The following CD81 variants were observed in gnomAD, a reference collection of about 807,000 sequenced individuals.
The protein encoded by CD81 is CD81 antigen.
CD81 carries 10 observed loss-of-function variants against 30.1 expected under a neutral mutation model. That is an observed-to-expected ratio of 0.33 (90% confidence interval 0.21 to 0.56). The LOEUF (loss-of-function observed/expected upper bound fraction) is 0.56. Among genes scored for constraint, CD81 ranks in the 20% least tolerant of loss-of-function variants. The pLI is 0.89. For missense variants in CD81, 263 were observed against 308.7 expected (o/e 0.85, Z 1.11); for synonymous variants, 147 against 126.4 (o/e 1.16, Z -1.10).
intron 1 of CD81, among the ~76,000 whole-genome samples, chr11:2,380,621 C>T (rs1019300602): frequency 1.3e-5 from 2 of 152,114 alleles, no homozygotes; most frequent in Non-Finnish European, 2.9e-5. Context: ...GGCCAAGCAG[C>T]GTGGAAATCC....
Position 2,395,499 on chromosome 11 carries a change from GGTGAAGACCTTC to G in CD81, c.439_450del (p.Val147_Phe150del), listed in dbSNP as rs1564995571. On this transcript the variant is annotated inframe_deletion, in exon 5 of 8. Transcript: ENST00000263645. The stretch of plus-strand genomic sequence containing the variant: ...ATGACGCCAACAACGCCAAGGCTGT[GGTGAAGACCTTC>G]CACGAGACGGTGCGGCCCCGGGGGG... The G allele has an allele frequency of 1.2e-6, 2 of 1,612,512 alleles. No individual in the cohort carries two copies. The highest frequency in any genetic ancestry group is 1.7e-6 in the Non-Finnish European group (2 of 1,179,862).
chr11:2,396,737 CCTG>C, intron 7 of CD81, 23 bp downstream of exon 7: 1 of 1,611,498 alleles, frequency 6.2e-7, no homozygotes, highest in Non-Finnish European at 8.5e-7. Flanking sequence ...GGGCGGAGGG[CCTG>C]CTCTCTGGGC....
At chr11:2,393,813 C>T in intron 2 of CD81, 1 of 630,626 alleles carries the variant, frequency 1.6e-6, no homozygotes, top group Non-Finnish European at 2.9e-6. Flanking sequence ...GGTGTCATCC[C>T]TGCGAAGCAC....
intron 2 of CD81, chr11:2,390,986 A>C: frequency 3.9e-6 from 1 of 256,986 alleles, no homozygotes; most frequent in African/African-American, 2.2e-5. Context: ...AGGCGGTGTG[A>C]CTCAGCTGCC....
chr11:2,379,821 C>T (rs761356192), intron 1 of CD81, among the ~76,000 whole-genome samples: 2 of 152,136 alleles, frequency 1.3e-5, no homozygotes, highest in Non-Finnish European at 2.9e-5. Flanking sequence ...GTGGACCCAC[C>T]CATCCACTGG....
chr11:2,384,842 C>T (rs1426825091), intron 1 of CD81, among the ~76,000 whole-genome samples: 1 of 152,100 alleles, frequency 6.6e-6, no homozygotes, highest in Non-Finnish European at 1.5e-5. Context: ...ACTTTTATTT[C>T]CTTGTTTGTA....
chr11:2,394,235 T>C, intron 3 of CD81, 43 bp downstream of exon 3: 1 of 1,386,928 alleles, frequency 7.2e-7, no homozygotes, highest in Non-Finnish European at 1.0e-6. Flanking sequence ...GGGGAGGGGC[T>C]GGGGGCTGCG....
intron 2 of CD81, 125 bp downstream of exon 2, chr11:2,390,651 C>T (rs572609393): frequency 2.3e-5 from 17 of 749,820 alleles, no homozygotes; most frequent in Non-Finnish European, 3.3e-5. Context: ...GGCAGGGAGG[C>T]GGCCCTGGAA....
chr11:2,396,022 G>T, intron 6 of CD81, 52 bp downstream of exon 6: 1 of 1,287,092 alleles, frequency 7.8e-7, no homozygotes. Flanking sequence ...CCCGCCCCTG[G>T]GTGGGGTCCT....
At chr11:2,382,965 A>T (rs528231368) in intron 1 of CD81, among the ~76,000 whole-genome samples, 29 of 152,124 alleles carry the variant, frequency 1.9e-4, no homozygotes, top group Non-Finnish European at 3.5e-4. Context: ...TGGTCCTGGA[A>T]GGGGCTTGGT....
chr11:2,382,301 G>A (rs1849718306), intron 1 of CD81, among the ~76,000 whole-genome samples: 1 of 152,238 alleles, frequency 6.6e-6, no homozygotes, highest in Non-Finnish European at 1.5e-5. Context: ...CACAGAGCTT[G>A]TAAGCGCCTC....
chr11:2,386,334 G>C, intron 1 of CD81: 1 of 622,964 alleles, frequency 1.6e-6, no homozygotes, highest in Non-Finnish European at 2.9e-6. Flanking sequence ...CAGGTCTTTC[G>C]GAGAGCAGGT....
chr11:2,383,686 C>T (rs1416752193), intron 1 of CD81, among the ~76,000 whole-genome samples: 1 of 152,146 alleles, frequency 6.6e-6, no homozygotes, highest in East Asian at 1.9e-4. Flanking sequence ...CCTGGTGGAC[C>T]CCCTCCCCAA....
intron 6 of CD81, 198 bp from the exon 7 acceptor site, chr11:2,396,430 G>T: frequency 1.6e-6 from 1 of 630,324 alleles, no homozygotes; most frequent in Non-Finnish European, 2.9e-6. Context: ...TCGCGTTTAT[G>T]TTAAAACGGG....
rs1849980314 is a variant in CD81, at chr11:2,395,446, C to G, written c.385C>G (p.Gln129Glu). ...CAAGGATGTGAAGCAGTTCTATGAC[C>G]AGGCCCTACAGCAGGCCGTGGTGGA... is the stretch of plus-strand genomic sequence containing the variant. ...IAKDVKQFYD[Q>E]ALQQAVVDDD... The change falls in exon 5 of 8, where the codon CAG (glutamine) becomes GAG (glutamate). Residue 129 changes from glutamine to glutamate, a missense_variant. Transcript: ENST00000263645. 3 of 1,612,670 alleles carry G rather than the reference C, an allele frequency of 1.9e-6. No individual in the cohort carries two copies. In the African/African-American group the frequency reaches 4.0e-5, roughly 22 times the overall value.
intron 2 of CD81, chr11:2,393,732 AAGGCGGTGGGTGGCGGGTGGCAGGTGC>A (rs1849943880): frequency 6.7e-6 from 4 of 600,484 alleles, no homozygotes; most frequent in South Asian, 2.0e-5. Context: ...GGAGCGGGTG[AAGGCGGTGGGTGGCGGGTGGCAGGTGC>A]AGGCGGTGGG....
intron 6 of CD81, chr11:2,396,257 C>G (rs1850000736): frequency 1.8e-6 from 1 of 566,674 alleles, no homozygotes; most frequent in Admixed American, 3.0e-5. Flanking sequence ...GGTGTGGACG[C>G]CCCTGACAGC....
In CD81 at chr11:2,396,909, A is replaced by G. The variant is rs745930267; in HGVS notation, c.*43A>G. On this transcript the variant is annotated 3_prime_UTR_variant, in exon 8 of 8. Transcript: ENST00000263645. ...CACAGGGACCTCTGCAGTGCCCCCT[A>G]AGTGACCCGGACACTTCCGAGGGGG... 3 of 1,586,570 alleles carry G rather than the reference A, an allele frequency of 1.9e-6. No individual in the cohort carries two copies. In the South Asian group the frequency reaches 3.3e-5, roughly 18 times the overall value.
At position 2,377,634 on chromosome 11, in the gene CD81, G is replaced by A; in HGVS notation, c.66+19G>A. On this transcript the variant is annotated intron_variant, in intron 1 of 7. Coordinates refer to ENST00000263645, the MANE Select transcript of CD81 (RefSeq NM_004356.4). The surrounding 1 kb of genome is among the most constrained non-coding windows in gnomAD (Gnocchi z 7.7). The stretch of plus-strand genomic sequence containing the variant: ...CTTCTGGGTAAGGGCTGCGCCGGGG[G>A]CCGGGGCGGGAGGGGGCAGGCACAC... The A allele has an allele frequency of 7.9e-6, 12 of 1,512,702 alleles. No homozygotes were observed. Among genetic ancestry groups the A allele is most frequent in the East Asian group, 2.6e-5 (1 of 38,772 alleles). The allele number at this position is 1,512,702 out of a possible 1,614,324, so 93.7% of individuals were successfully genotyped here. A position where few individuals can be genotyped will look rare whatever the true frequency, so the allele number is the denominator to read the frequency against.
Sources: gnomAD v4.1 joint callset for allele counts (sites outside exome capture counted in the v4.1 genomes callset) on GRCh38, gnomAD v4.1.1 for gene constraint, Gnocchi (gnomAD v3.1) non-coding constraint, MANE v1.5 for transcripts, NCBI Gene and HGNC (gene_info 2026-07-23, HGNC 2026-07-21) for gene names.